Variants in TAAR5 observed in about 807,000 individuals in gnomAD.
The protein encoded by TAAR5 is trace amine associated receptor 5, also known as trace amine-associated receptor 5.
TAAR5 carries 27 observed loss-of-function variants against 21.1 expected under a neutral mutation model. The observed-to-expected ratio is 1.28, with a 90% CI of 0.94 to 1.76. The LOEUF (loss-of-function observed/expected upper bound fraction) is 1.76. Ranked by LOEUF, TAAR5 falls within the 40% of genes most tolerant of loss-of-function variation. The pLI is 0.00. For synonymous variants in TAAR5, 203 were observed against 167.5 expected (o/e 1.21, Z -1.64); for missense variants, 495 against 405.6 (o/e 1.22, Z -1.89).
chr6:132,610,395 C>A, the TAAR5 span, among the ~76,000 whole-genome samples: 1 of 152,106 alleles, frequency 6.6e-6, no homozygotes, highest in Admixed American at 6.6e-5. Context: ...TATAAAGACT[C>A]AACTGCAGGG....
At chr6:132,596,351 C>T in the TAAR5 span, among the ~76,000 whole-genome samples, 28 of 152,094 alleles carry the variant, frequency 1.8e-4, no homozygotes, top group African/African-American at 6.3e-4. Flanking sequence ...TTGTTTTTTC[C>T]AGTGCCGGAG....
chr6:132,602,260 T>C, the TAAR5 span, among the ~76,000 whole-genome samples: 1 of 152,174 alleles, frequency 6.6e-6, no homozygotes, highest in Non-Finnish European at 1.5e-5. Flanking sequence ...ACTTTATTTC[T>C]ATTATTACAT....
At chr6:132,598,360 A>G in the TAAR5 span, among the ~76,000 whole-genome samples, 1 of 152,192 alleles carries the variant, frequency 6.6e-6, no homozygotes, top group Non-Finnish European at 1.5e-5. Flanking sequence ...TCAACACACA[A>G]AAAATAGCAA....
At chr6:132,601,406 C>T in the TAAR5 span, among the ~76,000 whole-genome samples, 1 of 152,294 alleles carries the variant, frequency 6.6e-6, no homozygotes, top group South Asian at 2.1e-4. Context: ...AGCTAGAGGA[C>T]AGGGTTTAAT....
chr6:132,614,069 C>T, the TAAR5 span, among the ~76,000 whole-genome samples: 1 of 152,154 alleles, frequency 6.6e-6, no homozygotes, highest in Non-Finnish European at 1.5e-5. Context: ...TCCACTTCTT[C>T]AATATATTAA....
chr6:132,606,273 A>G, the TAAR5 span, among the ~76,000 whole-genome samples: 2 of 152,322 alleles, frequency 1.3e-5, no homozygotes, highest in South Asian at 4.1e-4. Flanking sequence ...TTAAATAAAT[A>G]TCCCTCCAAA....
upstream of TAAR5, among the ~76,000 whole-genome samples, chr6:132,592,101 C>A (rs1776914903): frequency 6.6e-6 from 1 of 152,226 alleles, no homozygotes; most frequent in African/African-American, 2.4e-5. Context: ...TAATTGGATT[C>A]TGGATCTACT....
At chr6:132,604,123 TTTTTC>T in the TAAR5 span, among the ~76,000 whole-genome samples, 2 of 144,842 alleles carry the variant, frequency 1.4e-5, no homozygotes, top group Non-Finnish European at 3.1e-5. Context: ...TTTAACATAT[TTTTTC>T]TTTTCTTTTT....
At chr6:132,609,466 T>A in the TAAR5 span, among the ~76,000 whole-genome samples, 8 of 152,364 alleles carry the variant, frequency 5.3e-5, no homozygotes, top group African/African-American at 1.9e-4. Flanking sequence ...TCTGAGTTAC[T>A]TGGTACGTTA....
the TAAR5 span, among the ~76,000 whole-genome samples, chr6:132,603,155 G>A: frequency 6.6e-6 from 1 of 151,634 alleles, no homozygotes; most frequent in African/African-American, 2.4e-5. Context: ...GTAAAAAATT[G>A]GCCTGGTGTG....
At chr6:132,607,993 T>C in the TAAR5 span, among the ~76,000 whole-genome samples, 1 of 152,218 alleles carries the variant, frequency 6.6e-6, no homozygotes, top group Non-Finnish European at 1.5e-5. Flanking sequence ...ATTTCTTTCG[T>C]ACATTTTCCC....
rs532805392 is a variant in TAAR5, at chr6:132,589,295, T to C, written c.392A>G (p.Asp131Gly). 1 of 1,612,520 alleles carries C rather than the reference T, an allele frequency of 6.2e-7. No individual in the cohort carries two copies. The highest frequency in any genetic ancestry group is 2.2e-5 in the East Asian group (1 of 44,828). ...GGGGTCACAGATGGCACAGTGGCGG[T>C]CAATGGAAATGAAACAGAGATGGAA... ...SIFHLCFISI[D>G]RHCAICDPLL... Residue 131 changes from aspartate to glycine, a missense_variant, in exon 1 of 1, where the codon GAC becomes GGC. Physicochemically the swap from Asp to Gly is moderately conservative, Grantham distance 94. Coordinates refer to ENST00000258034, the MANE Select transcript of TAAR5 (RefSeq NM_003967.3).
At chr6:132,601,036 GGAAA>G in the TAAR5 span, among the ~76,000 whole-genome samples, 5 of 118,480 alleles carry the variant, frequency 4.2e-5, no homozygotes, top group African/African-American at 1.4e-4. Context: ...AGGGAAGGAG[GGAAA>G]GAAGGAAGGA....
At chr6:132,600,963 AGGAG>A in the TAAR5 span, among the ~76,000 whole-genome samples, 1 of 131,210 alleles carries the variant, frequency 7.6e-6, no homozygotes, top group African/African-American at 2.9e-5. Context: ...GAAGGAGGGA[AGGAG>A]GGAAGGAGGG....
chr6:132,595,358 C>T, the TAAR5 span: 1 of 152,496 alleles, frequency 6.6e-6, no homozygotes, highest in Non-Finnish European at 1.5e-5. Context: ...ACCGGCCTCA[C>T]ATTTCTAGGG....
At position 132,589,263 on chromosome 6, in the gene TAAR5, A is replaced by AGAGCAGGGGGTCACAGATG; in HGVS notation, c.405_423dup (p.Tyr142HisfsTer3). 1 of 1,609,848 alleles carries AGAGCAGGGGGTCACAGATG rather than the reference A, an allele frequency of 6.2e-7. No homozygotes were observed. The highest frequency in any genetic ancestry group is 8.5e-7 in the Non-Finnish European group (1 of 1,177,748). On this transcript the variant is annotated stop_gained and frameshift_variant, in exon 1 of 1. Coordinates refer to ENST00000258034, the MANE Select transcript of TAAR5 (RefSeq NM_003967.3). LOFTEE classifies it high-confidence loss of function. ...ACCCTCACTGTGAACTTGGAGGGAT[A>AGAGCAGGGGGTCACAGATG]GAGCAGGGGGTCACAGATGGCACAG...
chr6:132,609,242 C>G, the TAAR5 span: 3 of 346,290 alleles, frequency 8.7e-6, no homozygotes, highest in Non-Finnish European at 1.7e-5. Context: ...TTTTGGACAA[C>G]TGGATAGGTC....
chr6:132,599,945 A>G, the TAAR5 span, among the ~76,000 whole-genome samples: 4 of 152,318 alleles, frequency 2.6e-5, no homozygotes, highest in South Asian at 4.1e-4. Flanking sequence ...TTTAAAATAC[A>G]TTTGAAAACT....
the TAAR5 span, chr6:132,595,359 A>T: frequency 6.6e-6 from 1 of 152,448 alleles, no homozygotes; most frequent in South Asian, 2.1e-4. Flanking sequence ...CCGGCCTCAC[A>T]TTTCTAGGGC....
Sources: allele counts gnomAD v4.1 joint callset (sites outside exome capture counted in the v4.1 genomes callset), GRCh38; gene constraint gnomAD v4.1.1; transcripts MANE v1.5; gene names NCBI Gene and HGNC (gene_info 2026-07-23, HGNC 2026-07-21).